HECW1: variants seen among roughly 807,000 people sequenced by gnomAD.
HECW1 encodes HECT, C2 and WW domain containing E3 ubiquitin protein ligase 1.
HECW1 carries 61 observed loss-of-function variants against 182.3 expected under a neutral mutation model. The ratio of observed to expected loss-of-function variants is 0.33; its 90% CI spans 0.27 to 0.41. The LOEUF is 0.41. HECW1 is among the 10% of genes least tolerant of loss of function. The probability of loss-of-function intolerance (pLI) is 1.00; values close to 1 mark genes in which losing one functional copy is unlikely to be tolerated. For synonymous variants in HECW1, 859 were observed against 832.6 expected (o/e 1.03, Z -0.55); for missense variants, 1,739 against 2,108.9 (o/e 0.82, Z 3.44).
chr7:43,225,582 A>G (rs1797350714), intron 2 of HECW1, among the ~76,000 whole-genome samples: 2 of 152,168 alleles, frequency 1.3e-5, no homozygotes, highest in African/African-American at 4.8e-5. Context: ...AAACCAGAAA[A>G]CCCGAGATGC....
At chr7:43,310,224 A>AG (rs1386565377) in intron 3 of HECW1, among the ~76,000 whole-genome samples, 1 of 152,132 alleles carries the variant, frequency 6.6e-6, no homozygotes, top group African/African-American at 2.4e-5. Context: ...AGCCTCCTGG[A>AG]GGGCTGTCAG....
At chr7:43,204,781 T>TA (rs778485125) in intron 2 of HECW1, among the ~76,000 whole-genome samples, 5 of 152,174 alleles carry the variant, frequency 3.3e-5, no homozygotes, top group Non-Finnish European at 7.3e-5. Flanking sequence ...AATTGACACT[T>TA]ACCTGGAGGA....
chr7:43,189,364 C>T (rs772976725), intron 2 of HECW1, among the ~76,000 whole-genome samples: 28 of 148,208 alleles, frequency 1.9e-4, no homozygotes, highest in Non-Finnish European at 3.0e-4. Context: ...AGCTCTCAGG[C>T]GATAGGGACA....
rs191603508 is a variant in HECW1, at chr7:43,445,242, G to A, written c.2070G>A (p.Thr690=). The A allele has an allele frequency of 8.1e-6, 13 of 1,613,132 alleles. No individual in the cohort carries two copies. The highest frequency in any genetic ancestry group is 1.1e-5 in the South Asian group (1 of 91,044). The change falls in exon 11 of 30, where the codon ACG becomes ACA. Residue 690 remains threonine, a synonymous_variant. Coordinates refer to ENST00000395891, the MANE Select transcript of HECW1 (RefSeq NM_015052.5). Reference sequence around the variant, plus strand: ...GCTACAGCTCCTCGTGCTACAGCACGTCCTGCTACAGCAGCTCGTGCTACA... The same window carrying A: ...GCTACAGCTCCTCGTGCTACAGCACATCCTGCTACAGCAGCTCGTGCTACA... The part of the protein sequence containing the change: ...PSCYSSSCYS[T]SCYSSSCYSA...
rs983028048 is a variant in HECW1, at chr7:43,349,302, G to A, written c.461-11584G>A. 2.0e-5 allele frequency among the ~76,000 whole-genome samples: 3 copies of A among 152,114 alleles called. No individual in the cohort carries two copies. In the South Asian group the frequency reaches 6.2e-4, roughly 32 times the overall value. On this transcript the variant is annotated intron_variant, in intron 5 of 29. Coordinates refer to ENST00000395891, the MANE Select transcript of HECW1 (RefSeq NM_015052.5). Reference sequence around the variant, plus strand: ...GCCTGCCTCGGCCTCCCAAAGTGCTGGGATTACAAGTGTGAGCCACTGCAC... The same window carrying A: ...GCCTGCCTCGGCCTCCCAAAGTGCTAGGATTACAAGTGTGAGCCACTGCAC...
At chr7:43,253,989 G>A (rs917961832) in intron 3 of HECW1, among the ~76,000 whole-genome samples, 10 of 152,172 alleles carry the variant, frequency 6.6e-5, no homozygotes, top group African/African-American at 2.4e-4. Context: ...TTAGAGAAGT[G>A]AGGGGCTTGC....
intron 2 of HECW1, among the ~76,000 whole-genome samples, chr7:43,160,081 T>C (rs1266005003): frequency 6.6e-6 from 1 of 152,246 alleles, no homozygotes; most frequent in African/African-American, 2.4e-5. Context: ...CACATTATTT[T>C]GATAACTAGT....
Position 43,444,079 on chromosome 7 carries a change from A to G in HECW1, c.1046-139A>G, listed in dbSNP as rs2076968752. On this transcript the variant is annotated intron_variant, in intron 10 of 29. Coordinates refer to ENST00000395891, the MANE Select transcript of HECW1 (RefSeq NM_015052.5). The surrounding 1 kb of genome is among the most constrained non-coding windows in gnomAD (Gnocchi z 4.3). ...AGAATTTTTCACTAGAGCTCTGGCC[A>G]GTGAGAAACCCTCATCAACCTACAT... 1.8e-5 allele frequency: 15 copies of G among 842,674 alleles called. No homozygotes were observed. Among genetic ancestry groups the G allele is most frequent in the Non-Finnish European group, 2.7e-5 (15 of 557,266 alleles). The allele number at this position is 842,674 out of a possible 1,614,324, so 52.2% of individuals were successfully genotyped here.
At chr7:43,486,339 T>C (rs1315100409) in intron 17 of HECW1, among the ~76,000 whole-genome samples, 1 of 151,494 alleles carries the variant, frequency 6.6e-6, no homozygotes, top group East Asian at 1.9e-4. Flanking sequence ...CAGGCTGGAG[T>C]GCAATGGCAC....
At chr7:43,415,539 G>T (rs2075963612) in intron 8 of HECW1, among the ~76,000 whole-genome samples, 2 of 152,022 alleles carry the variant, frequency 1.3e-5, no homozygotes, top group Non-Finnish European at 2.9e-5. Context: ...GTATCTTTGT[G>T]GCGTTCTCTG....
At chr7:43,244,120 C>T (rs1405798387) in intron 3 of HECW1, among the ~76,000 whole-genome samples, 188 bp downstream of exon 3, 2 of 152,140 alleles carry the variant, frequency 1.3e-5, no homozygotes, top group African/African-American at 4.8e-5. Flanking sequence ...CCCCAGAATT[C>T]GACTGTGCTC....
chr7:43,424,396 G>A (rs2076289389), intron 8 of HECW1, among the ~76,000 whole-genome samples: 2 of 152,174 alleles, frequency 1.3e-5, no homozygotes, highest in Admixed American at 6.5e-5. Context: ...AAGGTGGTAG[G>A]ATCGCTTGAG....
At chr7:43,259,199 C>T (rs142192896) in intron 3 of HECW1, among the ~76,000 whole-genome samples, 2,699 of 152,148 alleles carry the variant, frequency 0.018, 72 homozygotes, top group African/African-American at 0.053. Context: ...CCAGCCTGGC[C>T]GACATGGCGA....
Position 43,445,375 on chromosome 7 carries a change from T to G in HECW1, c.2203T>G (p.Ser735Ala). 6.2e-7 allele frequency: 1 copy of G among 1,613,674 alleles called. No individual in the cohort carries two copies. The highest frequency in any genetic ancestry group is 8.5e-7 in the Non-Finnish European group (1 of 1,180,010). ...GATCTCCGAGAGCACGGTCTTCTCC[T>G]CGCAAGACGACGAGGAGGAGGAGAA... ...AKISESTVFS[S>A]QDDEEEENSA... The change falls in exon 11 of 30, where the codon TCG (serine) becomes GCG (alanine). Residue 735 changes from serine (S) to alanine (A), a missense_variant. Ser to Ala is a moderately conservative substitution (Grantham distance 99). Transcript: ENST00000395891.
At chr7:43,167,859 A>G (rs1791280551) in intron 2 of HECW1, among the ~76,000 whole-genome samples, 1 of 152,166 alleles carries the variant, frequency 6.6e-6, no homozygotes, top group African/African-American at 2.4e-5. Flanking sequence ...TGTTTTAAAG[A>G]GGAAACAAAT....
chr7:43,161,955 C>T (rs959289146), intron 2 of HECW1, among the ~76,000 whole-genome samples: 3 of 152,184 alleles, frequency 2.0e-5, no homozygotes, highest in Non-Finnish European at 4.4e-5. Context: ...CTTTCACCGC[C>T]CACTATTGAA....
intron 5 of HECW1, among the ~76,000 whole-genome samples, chr7:43,359,851 A>G (rs938847641): frequency 1.3e-5 from 2 of 152,204 alleles, no homozygotes; most frequent in East Asian, 3.8e-4. Context: ...ATAGCCTGGT[A>G]ATTTTTTTAA....
At chr7:43,149,077 G>A (rs896041415) in intron 2 of HECW1, among the ~76,000 whole-genome samples, 3 of 152,128 alleles carry the variant, frequency 2.0e-5, no homozygotes, top group Non-Finnish European at 2.9e-5. Context: ...AAAATCCACA[G>A]ATGAATGCTA....
intron 8 of HECW1, among the ~76,000 whole-genome samples, chr7:43,423,560 T>A (rs936839254): frequency 6.6e-6 from 1 of 152,222 alleles, no homozygotes; most frequent in Non-Finnish European, 1.5e-5. Flanking sequence ...GGACATAAGA[T>A]GGAGTTTTTG....
Sources: allele counts gnomAD v4.1 joint callset (sites outside exome capture counted in the v4.1 genomes callset), GRCh38; gene constraint gnomAD v4.1.1; non-coding constraint Gnocchi (gnomAD v3.1); transcripts MANE v1.5; gene names NCBI Gene and HGNC (gene_info 2026-07-23, HGNC 2026-07-21).